CDC42BPA: variants seen among roughly 807,000 people sequenced by gnomAD.
CDC42BPA encodes CDC42 binding protein kinase alpha.
A neutral mutation model predicts 223.5 loss-of-function variants in CDC42BPA; 80 were observed. The ratio of observed to expected loss-of-function variants is 0.36; its 90% confidence interval spans 0.30 to 0.43. The LOEUF is 0.43. Among genes scored for constraint, CDC42BPA ranks in the 20% least tolerant of loss-of-function variants. The pLI, the probability that CDC42BPA is intolerant of heterozygous loss-of-function variation, is 1.00. For synonymous variants in CDC42BPA, 694 were observed against 718.6 expected (o/e 0.97, Z 0.55); for missense variants, 1,743 against 2,099.9 (o/e 0.83, Z 3.32).
In CDC42BPA at chr1:227,318,168, C is replaced by A; in HGVS notation, c.-986G>T. 1 of 160,004 alleles carries A rather than the reference C, an allele frequency of 6.2e-6. No individual in the cohort carries two copies. Among genetic ancestry groups the A allele is most frequent in the South Asian group, 2.0e-4 (1 of 4,908 alleles). 9.9% of individuals were successfully genotyped at this position (160,004 alleles called of 1,614,324 possible). A position where few individuals can be genotyped will look rare whatever the true frequency, so the allele number is the denominator to read the frequency against. ...ACGCCCCAGGCGGGGGGGTGCTTCT[C>A]TGAATTCAAAGGACACAAGCAGCAG... is the stretch of plus-strand genomic sequence containing the variant. On this transcript the variant is annotated 5_prime_UTR_variant, in exon 1 of 37. Transcript: ENST00000366766.
chr1:227,220,301 TATATATATATACACACAC>T (rs1024765126), intron 2 of CDC42BPA, among the ~76,000 whole-genome samples: 2 of 74,660 alleles, frequency 2.7e-5, no homozygotes, highest in Admixed American at 2.5e-4. Context: ...TATATATATA[TATATATATATACACACAC>T]ACACACACAT....
chr1:227,006,479 G>A (rs1424998004), intron 34 of CDC42BPA, among the ~76,000 whole-genome samples: 2 of 152,180 alleles, frequency 1.3e-5, no homozygotes, highest in Non-Finnish European at 2.9e-5. Flanking sequence ...ATGAGGATAA[G>A]AACTGCCTCC....
At chr1:227,123,362 C>G (rs1689003991) in intron 11 of CDC42BPA, among the ~76,000 whole-genome samples, 1 of 152,104 alleles carries the variant, frequency 6.6e-6, no homozygotes. Context: ...GTTCTTAGCT[C>G]ACGGGTGCTA....
intron 23 of CDC42BPA, among the ~76,000 whole-genome samples, chr1:227,041,286 T>G (rs1671319740): frequency 6.6e-6 from 1 of 152,136 alleles, no homozygotes; most frequent in Non-Finnish European, 1.5e-5. Context: ...TTTTTAGCCC[T>G]GGCACCCCTC....
chr1:227,033,463 G>T, intron 26 of CDC42BPA, 48 bp from the exon 27 acceptor site: 1 of 1,289,828 alleles, frequency 7.8e-7, no homozygotes, highest in Non-Finnish European at 1.1e-6. Context: ...GGCTATGTGT[G>T]TGTGGTTTGG....
At chr1:227,080,130 T>C (rs1237867895) in intron 17 of CDC42BPA, among the ~76,000 whole-genome samples, 1 of 152,112 alleles carries the variant, frequency 6.6e-6, no homozygotes, top group African/African-American at 2.4e-5. Context: ...AGATTTCAGA[T>C]TTTCAGATTA....
intron 10 of CDC42BPA, among the ~76,000 whole-genome samples, chr1:227,135,636 C>T (rs572968824): frequency 2.0e-5 from 3 of 151,992 alleles, no homozygotes; most frequent in South Asian, 2.1e-4. Context: ...GGGCGGATCA[C>T]GAGGTCAGGA....
At chr1:227,118,267 C>T (rs57513303) in intron 12 of CDC42BPA, among the ~76,000 whole-genome samples, 23,492 of 152,038 alleles carry the variant, frequency 0.15, 2,198 homozygotes, top group African/African-American at 0.25. Flanking sequence ...TTCTCTAAGA[C>T]GACATACAAA....
At chr1:227,121,976 T>G (rs1044641701) in intron 11 of CDC42BPA, among the ~76,000 whole-genome samples, 1 of 151,944 alleles carries the variant, frequency 6.6e-6, no homozygotes, top group Non-Finnish European at 1.5e-5. Context: ...AATTCTTGTA[T>G]TTTTAGTAGA....
intron 15 of CDC42BPA, among the ~76,000 whole-genome samples, chr1:227,093,841 C>A (rs1683509034): frequency 6.6e-6 from 1 of 152,202 alleles, no homozygotes; most frequent in Non-Finnish European, 1.5e-5. Flanking sequence ...AACCTTCAGG[C>A]AGCAAAAGAC....
intron 5 of CDC42BPA, among the ~76,000 whole-genome samples, chr1:227,174,100 T>C (rs754307275): frequency 3.9e-5 from 6 of 152,206 alleles, no homozygotes; most frequent in Non-Finnish European, 5.9e-5. Flanking sequence ...TTTTTAACTA[T>C]AGATGGTCCC....
chr1:227,251,644 C>A (rs1220739060), intron 2 of CDC42BPA, among the ~76,000 whole-genome samples: 1 of 152,052 alleles, frequency 6.6e-6, no homozygotes, highest in Non-Finnish European at 1.5e-5. Context: ...CATGGGAACA[C>A]TCCATAATAG....
chr1:227,057,660 G>A (rs1205249902), intron 21 of CDC42BPA, among the ~76,000 whole-genome samples: 2 of 152,092 alleles, frequency 1.3e-5, no homozygotes, highest in African/African-American at 4.8e-5. Flanking sequence ...ATTGAAGGAG[G>A]CCAGGAAAGC....
chr1:227,315,955 C>CAAAAAA (rs71180728), intron 1 of CDC42BPA, among the ~76,000 whole-genome samples: 126 of 110,866 alleles, frequency 1.1e-3, no homozygotes, highest in African/African-American at 4.3e-3. Context: ...ATTTCAAATC[C>CAAAAAA]AAAAAAAAAA....
intron 14 of CDC42BPA, among the ~76,000 whole-genome samples, chr1:227,103,128 A>T (rs1685331259): frequency 6.6e-6 from 1 of 152,114 alleles, no homozygotes; most frequent in Non-Finnish European, 1.5e-5. Context: ...TCAGACCAAC[A>T]TATAAAATTG....
chr1:227,269,563 C>T (rs1239862363), intron 1 of CDC42BPA, among the ~76,000 whole-genome samples: 2 of 151,682 alleles, frequency 1.3e-5, no homozygotes, highest in African/African-American at 2.4e-5. Context: ...AAAGATAACA[C>T]GAACAAAGTT....
intron 2 of CDC42BPA, among the ~76,000 whole-genome samples, chr1:227,215,780 C>A (rs893063221): frequency 1.3e-5 from 2 of 152,110 alleles, no homozygotes; most frequent in African/African-American, 4.8e-5. Flanking sequence ...ATAAAAAAAT[C>A]TTTCATCTCT....
chr1:227,031,210 TG>T, intron 28 of CDC42BPA, 87 bp downstream of exon 28: 1 of 970,212 alleles, frequency 1.0e-6, no homozygotes, highest in South Asian at 1.4e-5. Flanking sequence ...TGTTGGACAC[TG>T]GGGATTCCTA....
intron 6 of CDC42BPA, among the ~76,000 whole-genome samples, chr1:227,159,573 T>C (rs775204135): frequency 6.6e-6 from 1 of 151,942 alleles, no homozygotes. Flanking sequence ...TATACTAAAC[T>C]GTCCTCCAAA....
Sources: gnomAD v4.1 joint callset for allele counts (sites outside exome capture counted in the v4.1 genomes callset) on GRCh38, gnomAD v4.1.1 for gene constraint, MANE v1.5 for transcripts, NCBI Gene and HGNC (gene_info 2026-07-23, HGNC 2026-07-21) for gene names.